Variants in TMEM256 observed in about 807,000 individuals in gnomAD.
TMEM256 encodes transmembrane protein 256, also known as UPF0451 protein C17orf61.
TMEM256 carries 14 observed loss-of-function variants against 14.8 expected under a neutral mutation model. That is an observed-to-expected ratio of 0.95 (90% CI 0.63 to 1.48). The LOEUF (loss-of-function observed/expected upper bound fraction) is 1.48. Among genes scored for constraint, TMEM256 ranks in the 40% most tolerant of loss-of-function variants. TMEM256 has a pLI of 0.00. For synonymous variants in TMEM256, 68 were observed against 60.7 expected, an observed-to-expected ratio of 1.12 and a Z score of -0.56; for missense variants, 146 against 137.9, an observed-to-expected ratio of 1.06 and a Z score of -0.30.
intron 2 of TMEM256, 123 bp from the exon 3 acceptor site, chr17:7,403,513 C>T: frequency 2.0e-6 from 3 of 1,500,328 alleles, no homozygotes; most frequent in South Asian, 1.1e-5. Context: ...TGATCCCAGG[C>T]CTTTGGCTTA....
intron 2 of TMEM256, 48 bp from the exon 3 acceptor site, chr17:7,403,438 T>C: frequency 6.4e-7 from 1 of 1,573,210 alleles, no homozygotes; most frequent in Non-Finnish European, 8.7e-7. Context: ...ATACAGGTAC[T>C]GAGATCCCCT....
chr17:7,403,189 G>C lies in TMEM256; in HGVS notation c.219C>G (p.Ser73=), dbSNP rs781711940. 3 of 1,614,090 alleles carry C rather than the reference G, an allele frequency of 1.9e-6. No homozygotes were observed. The highest frequency in any genetic ancestry group is 2.5e-6 in the Non-Finnish European group (3 of 1,180,020). The change falls in exon 4 of 4, where the codon TCC becomes TCG. Residue 73 remains serine (S), a synonymous_variant. Transcript: ENST00000302422. ...KPLWAGLLLA[S]GTTLFCTSFY... Reference sequence around the variant, plus strand: ...AGCTGGTGCAGAATAAGGTCGTTCCGGAAGCTAGCAATAACCCAGCCTGAA... The same window carrying C: ...AGCTGGTGCAGAATAAGGTCGTTCCCGAAGCTAGCAATAACCCAGCCTGAA...
intron 1 of TMEM256, 76 bp downstream of exon 1, chr17:7,403,924 C>T: frequency 8.3e-6 from 12 of 1,452,564 alleles, no homozygotes; most frequent in Non-Finnish European, 1.1e-5. Context: ...CGGGCACCTC[C>T]CATAGGTTAC....
At chr17:7,403,784 A>ACCCCCCCCCCCCCCCCCCCC (rs56134360) in intron 1 of TMEM256, 95 bp from the exon 2 acceptor site, 1 of 897,182 alleles carries the variant, frequency 1.1e-6, no homozygotes, top group African/African-American at 2.4e-5. Context: ...GAGAAAGGGC[A>ACCCCCCCCCCCCCCCCCCCC]CCCCCCCCCC....
chr17:7,403,722 T>A, intron 1 of TMEM256, 33 bp from the exon 2 acceptor site: 1 of 1,611,722 alleles, frequency 6.2e-7, no homozygotes, highest in Non-Finnish European at 8.5e-7. Context: ...TTAGCGGTCC[T>A]AGTGCCAGCC....
chr17:7,403,778 A>ACGGGGGGGGGGGGGGGGGGGGGGG, intron 1 of TMEM256, 89 bp from the exon 2 acceptor site: 2 of 1,340,670 alleles, frequency 1.5e-6, no homozygotes, highest in East Asian at 2.7e-5. Context: ...ATTGGCGAGA[A>ACGGGGGGGGGGGGGGGGGGGGGGG]AGGGCACCCC....
intron 2 of TMEM256, 132 bp from the exon 3 acceptor site, chr17:7,403,522 TAC>T: frequency 6.6e-7 from 1 of 1,510,350 alleles, no homozygotes; most frequent in African/African-American, 1.4e-5. Flanking sequence ...GCCTTTGGCT[TAC>T]AGAGCCTTTG....
intron 1 of TMEM256, 90 bp from the exon 2 acceptor site, chr17:7,403,779 A>AGGGGGGGGGGGGGGGGGGGGGG: frequency 7.7e-7 from 1 of 1,306,712 alleles, no homozygotes; most frequent in East Asian, 2.7e-5. Context: ...TTGGCGAGAA[A>AGGGGGGGGGGGGGGGGGGGGGG]GGGCACCCCC....
chr17:7,403,914 C>A, intron 1 of TMEM256, 86 bp downstream of exon 1: 2 of 1,410,284 alleles, frequency 1.4e-6, no homozygotes, highest in South Asian at 1.4e-5. Flanking sequence ...AACGAGAGGC[C>A]GGGCACCTCC....
At chr17:7,403,786 C>CCA (rs1242314020) in intron 1 of TMEM256, 97 bp from the exon 2 acceptor site, 5 of 280,764 alleles carry the variant, frequency 1.8e-5, no homozygotes, top group Non-Finnish European at 2.7e-5. Context: ...GAAAGGGCAC[C>CCA]CCCCCCCCCG....
intron 2 of TMEM256, 78 bp downstream of exon 2, chr17:7,403,580 G>A: frequency 6.2e-6 from 4 of 646,066 alleles, no homozygotes; most frequent in South Asian, 2.8e-5. Flanking sequence ...CCCTCTCCCC[G>A]CCCACTTCCC....
intron 1 of TMEM256, 50 bp from the exon 2 acceptor site, chr17:7,403,739 G>C: frequency 6.3e-7 from 1 of 1,586,144 alleles, no homozygotes; most frequent in Non-Finnish European, 8.6e-7. Context: ...AGCCCTGACC[G>C]CCCCCAATCC....
chr17:7,404,008 C>T lies in TMEM256; in HGVS notation c.77G>A (p.Gly26Glu). Residue 26 changes from glycine (G) to glutamate (E), a missense_variant, in exon 1 of 4, where the codon GGG (glycine) becomes GAG (glutamate). Gly to Glu is a moderately conservative substitution (Grantham distance 98). Coordinates refer to ENST00000302422, the MANE Select transcript of TMEM256 (RefSeq NM_152766.5). ...GTCCCCAGCCCCCTGACCGTGCGCC[C>T]CGTAGGAAGCGAAGCCTAAGGCCGC... Reference protein sequence around the residue: ...GAAALGFASYGAHGAQFPDAY... With the variant: ...GAAALGFASYEAHGAQFPDAY... The T allele has an allele frequency of 1.3e-6, 2 of 1,596,716 alleles. No individual in the cohort carries two copies. Among genetic ancestry groups the T allele is most frequent in the Non-Finnish European group, 1.7e-6 (2 of 1,171,510 alleles).
At chr17:7,403,855 C>T (rs1026460981) in intron 1 of TMEM256, 145 bp downstream of exon 1, 10 of 1,276,434 alleles carry the variant, frequency 7.8e-6, no homozygotes, top group African/African-American at 3.1e-5. Context: ...ACCAATTGGA[C>T]CCAGCTGGGG....
At position 7,403,670 on chromosome 17, in the gene TMEM256, G is replaced by A. The variant is rs61736089; in HGVS notation, c.105C>T (p.Ala35=). ...YGAHGAQFPD[A]YGKELFDKAN... ...GCAGTTACTTCACCTCCTTCCCGTA[G>A]GCATCTGGGAATTGGGCGCCTGTGG... The change falls in exon 2 of 4, where the codon GCC becomes GCT. Residue 35 remains alanine (A), a synonymous_variant. Coordinates refer to ENST00000302422, the MANE Select transcript of TMEM256 (RefSeq NM_152766.5). The A allele has an allele frequency of 0.017, 27,857 of 1,613,798 alleles. 417 individuals are homozygous for A. The highest frequency in any genetic ancestry group is 0.046 in the Admixed American group (2,783 of 59,958).
chr17:7,403,347 G>T lies in TMEM256; in HGVS notation c.161C>A (p.Ala54Asp), dbSNP rs1465307882. The T allele has an allele frequency of 1.2e-6, 2 of 1,614,224 alleles. No individual in the cohort carries two copies. The highest frequency in any genetic ancestry group is 8.5e-7 in the Non-Finnish European group (1 of 1,180,044). ...ANKHHFLHSL[A>D]LLGVPHCRKP... is the part of the protein sequence containing the mutation. ...TCTGCAATGGGGCACCCCTAACAGG[G>T]CCAGGCTGTGTAAGAAGTGGTGTTT... Residue 54 changes from alanine to aspartate, a missense_variant, in exon 3 of 4, where the codon GCC (alanine) becomes GAC (aspartate). Ala to Asp is a moderately radical substitution (Grantham distance 126, BLOSUM62 -2). Coordinates refer to ENST00000302422, the MANE Select transcript of TMEM256 (RefSeq NM_152766.5).
In TMEM256 at chr17:7,403,408, A is replaced by T; in HGVS notation, c.118-18T>A. The T allele has an allele frequency of 6.2e-7, 1 of 1,612,238 alleles. No homozygotes were observed. The highest frequency in any genetic ancestry group is 8.5e-7 in the Non-Finnish European group (1 of 1,178,374). ...TCAAACAGCTGTAAGAAAAACAGAA[A>T]CGAAGGGATGTCGTAGGCAATACAG... On this transcript the variant is annotated intron_variant, in intron 2 of 3. Transcript: ENST00000302422.
At chr17:7,403,833 G>T in intron 1 of TMEM256, 144 bp from the exon 2 acceptor site, 3 of 1,242,880 alleles carry the variant, frequency 2.4e-6, no homozygotes, top group Non-Finnish European at 2.2e-6. Context: ...ACACGCTCGG[G>T]CAGTACTGGG....
chr17:7,403,792 C>A (rs1486686190), intron 1 of TMEM256, 103 bp from the exon 2 acceptor site: 4 of 1,056,488 alleles, frequency 3.8e-6, no homozygotes, highest in South Asian at 2.8e-5. Context: ...GCACCCCCCC[C>A]CCCGCCCCAG....
Sources: gnomAD v4.1 joint callset for allele counts on GRCh38, gnomAD v4.1.1 for gene constraint, MANE v1.5 for transcripts, NCBI Gene and HGNC (gene_info 2026-07-23, HGNC 2026-07-21) for gene names.